The following BEAN1 variants were observed in gnomAD, a reference collection of about 807,000 sequenced individuals.
BEAN1 encodes protein BEAN1.
Under a neutral mutation model 17.7 loss-of-function variants are expected in BEAN1, and 17 were observed. The observed-to-expected ratio is 0.96, with a 90% CI of 0.66 to 1.44. The LOEUF is 1.44. Ranked by LOEUF, BEAN1 falls within the 40% of genes most tolerant of loss-of-function variation. The probability of loss-of-function intolerance (pLI) is 0.00; values close to 1 mark genes in which losing one functional copy is unlikely to be tolerated. For missense variants in BEAN1, 359 were observed against 374.1 expected (o/e 0.96, Z 0.33); for synonymous variants, 142 against 151.8 (o/e 0.94, Z 0.47).
At chr16:66,475,424 C>T (rs1200214496) in intron 3 of BEAN1, among the ~76,000 whole-genome samples, 1 of 152,212 alleles carries the variant, frequency 6.6e-6, no homozygotes, top group Non-Finnish European at 1.5e-5. Context: ...TCACTCCTCT[C>T]AGGTCCAGGA....
chr16:66,493,679 A>T (rs1964209123), downstream of BEAN1: 1 of 459,580 alleles, frequency 2.2e-6, no homozygotes, highest in Non-Finnish European at 3.8e-6. Flanking sequence ...TGAGAGCAGA[A>T]AAGTCACCAT....
intron 2 of BEAN1, among the ~76,000 whole-genome samples, chr16:66,468,687 G>T (rs1963349891): frequency 6.6e-6 from 1 of 152,198 alleles, no homozygotes; most frequent in Non-Finnish European, 1.5e-5. Context: ...TTGCAGGGCT[G>T]AGTTGGAGGG....
In BEAN1 at chr16:66,481,400, A is replaced by C. The variant is rs1436113400; in HGVS notation, c.*475A>C. On this transcript the variant is annotated 3_prime_UTR_variant, in exon 5 of 5. Coordinates refer to ENST00000536005, the MANE Select transcript of BEAN1 (RefSeq NM_001178020.3). The surrounding 1 kb of genome is among the most constrained non-coding windows in gnomAD (Gnocchi z 4.1). ...AGGTCAGCTGCCTGCCCTGACCCCTACCCCAGGGCCAGCTTGTCCTCCTGG... is the reference window on the plus strand; with the variant it reads ...AGGTCAGCTGCCTGCCCTGACCCCTCCCCCAGGGCCAGCTTGTCCTCCTGG... 7.6e-6 allele frequency: 3 copies of C among 395,906 alleles called. No individual in the cohort carries two copies. The highest frequency in any genetic ancestry group is 4.4e-5 in the Admixed American group (1 of 22,624). 24.5% of individuals were successfully genotyped at this position (395,906 alleles called of 1,614,324 possible).
At chr16:66,474,577 G>GA (rs1963626814) in intron 3 of BEAN1, among the ~76,000 whole-genome samples, 1 of 53,950 alleles carries the variant, frequency 1.9e-5, no homozygotes, top group Non-Finnish European at 3.3e-5. Context: ...AGAGAGGGAG[G>GA]GAGAGAGGGA....
intron 4 of BEAN1, among the ~76,000 whole-genome samples, chr16:66,479,662 C>T (rs1963909274): frequency 2.0e-5 from 3 of 152,170 alleles, no homozygotes; most frequent in African/African-American, 7.2e-5. Flanking sequence ...CCTGTAGCCA[C>T]TGAGGCAGAG....
rs1211851241 is a variant in BEAN1 at position 66,481,606 on chromosome 16, T to A, written c.*681T>A. On this transcript the variant is annotated 3_prime_UTR_variant, in exon 5 of 5. Transcript: ENST00000536005. This position sits in a 1 kb window ranked among gnomAD's most constrained non-coding sequence, Gnocchi z 4.1. ...AGGCCCCCTCCCAACCCCAGTACCC[T>A]CAGTCCCTCAGTCAGGTGGTGCTAG... 1 of 205,244 alleles carries A rather than the reference T, an allele frequency of 4.9e-6. No individual in the cohort carries two copies. Among genetic ancestry groups the A allele is most frequent in the Admixed American group, 6.0e-5 (1 of 16,742 alleles). The allele number at this position is 205,244 out of a possible 1,614,324, so 12.7% of individuals were successfully genotyped here. A position where few individuals can be genotyped will look rare whatever the true frequency, so the allele number is the denominator to read the frequency against.
At chr16:66,450,727 C>CA (rs1368957457) in intron 2 of BEAN1, among the ~76,000 whole-genome samples, 1 of 150,020 alleles carries the variant, frequency 6.7e-6, no homozygotes, top group Non-Finnish European at 1.5e-5. Context: ...GACCCTGTCT[C>CA]AAAAATCAAA....
chr16:66,493,173 G>A (rs1037534276), exon 5 of BEAN1: 18 of 702,864 alleles, frequency 2.6e-5, no homozygotes, highest in Admixed American at 6.0e-5. Flanking sequence ...GCGGGCACAC[G>A]GATGCTTGAG....
chr16:66,448,562 C>T (rs1312400775), intron 2 of BEAN1, among the ~76,000 whole-genome samples: 1 of 152,240 alleles, frequency 6.6e-6, no homozygotes, highest in Non-Finnish European at 1.5e-5. Context: ...TGGCTCACAC[C>T]TGTAATCCCA....
In BEAN1 at chr16:66,481,112, A is replaced by C. The variant is rs1963972128; in HGVS notation, c.*187A>C. ...ACACACACAGATCTAGACGTGCTCC[A>C]CATATGTGTGAATATGCGCACATAC... On this transcript the variant is annotated 3_prime_UTR_variant, in exon 5 of 5. Coordinates refer to ENST00000536005, the MANE Select transcript of BEAN1 (RefSeq NM_001178020.3). This position sits in a 1 kb window ranked among gnomAD's most constrained non-coding sequence, Gnocchi z 4.1. 4.0e-6 allele frequency: 2 copies of C among 502,798 alleles called. No individual in the cohort carries two copies. Among genetic ancestry groups the C allele is most frequent in the Non-Finnish European group, 3.4e-6 (1 of 294,520 alleles). The allele number at this position is 502,798 out of a possible 1,614,324, so 31.1% of individuals were successfully genotyped here. A position where few individuals can be genotyped will look rare whatever the true frequency, so the allele number is the denominator to read the frequency against.
chr16:66,492,022 TTTTG>T (rs776772337), intron 4 of BEAN1, among the ~76,000 whole-genome samples: 8 of 151,350 alleles, frequency 5.3e-5, no homozygotes, highest in Non-Finnish European at 1.2e-4. Context: ...ACCAGAGAGG[TTTTG>T]TTTTTTTGTT....
rs187913782 is a variant in BEAN1, at chr16:66,473,929, G to A, written c.290-3631G>A. Among the ~76,000 whole-genome samples the A allele has an allele frequency of 9.8e-4, 149 of 151,810 alleles. No homozygotes were observed. Among genetic ancestry groups the A allele is most frequent in the Middle Eastern group, 3.4e-3 (1 of 292 alleles). ...CCCTCAGATCCCACACCTTGGTCCT[G>A]GTCCTCTCTCTACACCCACTCCCTG... On this transcript the variant is annotated intron_variant, in intron 3 of 4. Transcript: ENST00000536005. The surrounding 1 kb of genome is among the most constrained non-coding windows in gnomAD (Gnocchi z 4.5).
chr16:66,493,324 G>A (rs1221069615), exon 5 of BEAN1: 1 of 693,340 alleles, frequency 1.4e-6, no homozygotes, highest in South Asian at 1.5e-5. Context: ...AAGGGGTGGG[G>A]TCCGAGACGG....
chr16:66,494,399 A>G (rs1057383219), downstream of BEAN1, among the ~76,000 whole-genome samples: 2 of 152,080 alleles, frequency 1.3e-5, no homozygotes, highest in African/African-American at 2.4e-5. Flanking sequence ...TAAAGTGACT[A>G]TGGTCAGACC....
At chr16:66,464,695 T>G (rs1028370644) in intron 2 of BEAN1, among the ~76,000 whole-genome samples, 1 of 152,206 alleles carries the variant, frequency 6.6e-6, no homozygotes, top group Non-Finnish European at 1.5e-5. Flanking sequence ...CTTAATTTCA[T>G]TTTAGGTTTG....
At position 66,434,105 on chromosome 16, in the gene BEAN1, A is replaced by C. The variant is rs1450759692; in HGVS notation, c.-82-3490A>C. On this transcript the variant is annotated intron_variant, in intron 1 of 4. Coordinates refer to ENST00000536005, the MANE Select transcript of BEAN1 (RefSeq NM_001178020.3). The surrounding 1 kb of genome is among the most constrained non-coding windows in gnomAD (Gnocchi z 4.3). Reference sequence around the variant, plus strand: ...GTTCCCAGCCAGACAATCCAGTAGGAGATGAGTCACTGGCAGGAGCGAGCC... The same window carrying C: ...GTTCCCAGCCAGACAATCCAGTAGGCGATGAGTCACTGGCAGGAGCGAGCC... Among the ~76,000 whole-genome samples, 1 of 152,214 alleles carries C rather than the reference A, an allele frequency of 6.6e-6. No individual in the cohort carries two copies. The highest frequency in any genetic ancestry group is 6.5e-5 in the Admixed American group (1 of 15,286).
chr16:66,468,585 GC>G (rs1321736548), intron 2 of BEAN1, among the ~76,000 whole-genome samples: 3 of 152,208 alleles, frequency 2.0e-5, no homozygotes, highest in Middle Eastern at 6.3e-3. Context: ...GCTTAGCTCT[GC>G]CGTGGAGTAA....
At chr16:66,480,533 A>ATAG in intron 4 of BEAN1, 53 bp from the exon 5 acceptor site, 1 of 1,370,306 alleles carries the variant, frequency 7.3e-7, no homozygotes, top group Non-Finnish European at 9.9e-7. Flanking sequence ...CCTTTGGGAG[A>ATAG]GACCCAGCCC....
At chr16:66,474,773 G>A (rs1195254208) in intron 3 of BEAN1, among the ~76,000 whole-genome samples, 1 of 152,082 alleles carries the variant, frequency 6.6e-6, no homozygotes, top group Non-Finnish European at 1.5e-5. Flanking sequence ...AGAAAGAAAG[G>A]AGAGAGAAGG....
Sources: allele counts gnomAD v4.1 joint callset (sites outside exome capture counted in the v4.1 genomes callset), GRCh38; gene constraint gnomAD v4.1.1; non-coding constraint Gnocchi (gnomAD v3.1); transcripts MANE v1.5; gene names NCBI Gene and HGNC (gene_info 2026-07-23, HGNC 2026-07-21).